PARP14: variants seen among roughly 807,000 people sequenced by gnomAD.
The protein encoded by PARP14 is poly(ADP-ribose) polymerase family member 14.
In PARP14, 59 loss-of-function variants were observed where a neutral mutation model predicts 154.2. The observed-to-expected ratio is 0.38, with a 90% CI of 0.31 to 0.48. PARP14 has a LOEUF of 0.48. PARP14 is among the 20% of genes least tolerant of loss of function. The pLI is 0.98. For synonymous variants in PARP14, 720 were observed against 780.5 expected, an observed-to-expected ratio of 0.92 and a Z score of 1.29; for missense variants, 1,734 against 2,131.6, an observed-to-expected ratio of 0.81 and a Z score of 3.67.
At chr3:122,684,335 T>C (rs956122325) in intron 1 of PARP14, among the ~76,000 whole-genome samples, 13 of 152,226 alleles carry the variant, frequency 8.5e-5, no homozygotes, top group African/African-American at 3.1e-4. Context: ...CTTCCCGTTC[T>C]TCATGGACTG....
intron 9 of PARP14, among the ~76,000 whole-genome samples, chr3:122,709,457 A>G (rs1192351230): frequency 6.6e-6 from 1 of 152,148 alleles, no homozygotes; most frequent in Non-Finnish European, 1.5e-5. Context: ...TTGTTGGTTG[A>G]TGGACACTTA....
chr3:122,704,393 C>A (rs1265069818), intron 7 of PARP14, 134 bp from the exon 8 acceptor site: 4 of 610,722 alleles, frequency 6.5e-6, no homozygotes, highest in Non-Finnish European at 1.2e-5. Flanking sequence ...TTTCTTTCCT[C>A]TTCTGATTGC....
At chr3:122,725,139 C>T (rs1212416276) in intron 15 of PARP14, among the ~76,000 whole-genome samples, 10 of 152,204 alleles carry the variant, frequency 6.6e-5, no homozygotes, top group Non-Finnish European at 1.5e-5. Context: ...CATCATGGCC[C>T]GTTCTCAATG....
intron 15 of PARP14, chr3:122,721,195 G>A: frequency 7.5e-6 from 2 of 266,200 alleles, no homozygotes; most frequent in Non-Finnish European, 1.5e-5. Context: ...TACCCTTCTT[G>A]GATTCAACTA....
chr3:122,696,217 G>A (rs890311805), intron 5 of PARP14, among the ~76,000 whole-genome samples: 14 of 152,198 alleles, frequency 9.2e-5, no homozygotes, highest in Non-Finnish European at 1.8e-4. Context: ...GATATAGACT[G>A]CCAGTTCTCT....
intron 6 of PARP14, among the ~76,000 whole-genome samples, chr3:122,702,124 C>T (rs1938998228): frequency 6.6e-6 from 1 of 152,148 alleles, no homozygotes; most frequent in Non-Finnish European, 1.5e-5. Flanking sequence ...AAAAGTGGAC[C>T]TGAGGAAGTT....
chr3:122,710,460 C>G (rs1939288770), intron 9 of PARP14, among the ~76,000 whole-genome samples: 2 of 152,094 alleles, frequency 1.3e-5, no homozygotes, highest in African/African-American at 2.4e-5. Flanking sequence ...GTAACTATAG[C>G]CTTGTAGTAT....
intron 15 of PARP14, among the ~76,000 whole-genome samples, chr3:122,723,554 A>G (rs1441200702): frequency 6.6e-6 from 1 of 152,016 alleles, no homozygotes. Context: ...TATCCTCTTT[A>G]TTTCTGGTAA....
At chr3:122,708,364 A>T (rs1939226003) in intron 9 of PARP14, 96 bp downstream of exon 9, 1 of 669,792 alleles carries the variant, frequency 1.5e-6, no homozygotes, top group Non-Finnish European at 2.6e-6. Flanking sequence ...TTATGAAAAA[A>T]AAATCAATGA....
intron 3 of PARP14, among the ~76,000 whole-genome samples, chr3:122,687,317 G>C (rs543038028): frequency 1.3e-5 from 2 of 152,326 alleles, no homozygotes; most frequent in African/African-American, 4.8e-5. Context: ...ATAATGATTG[G>C]AACTGCTCTC....
chr3:122,715,767 G>A (rs375757065), intron 12 of PARP14, among the ~76,000 whole-genome samples: 137 of 151,990 alleles, frequency 9.0e-4, no homozygotes, highest in African/African-American at 3.1e-3. Context: ...TCTAGTCTTG[G>A]GTTTCCACCT....
At position 122,718,156 on chromosome 3, in the gene PARP14, T is replaced by C. The variant is rs1933045549; in HGVS notation, c.4086T>C (p.Ser1362=). The change falls in exon 13 of 17, where the codon TCT becomes TCC. Residue 1362 remains serine, a synonymous_variant. Transcript: ENST00000474629. The stretch of plus-strand genomic sequence containing the variant: ...TTGTCCAGAAAGGATCAGCCCAGTC[T>C]GTGAAAAAAGTTAAAGTTGTTATCT... The part of the protein sequence containing the change: ...EDFVQKGSAQ[S]VKKVKVVIFL... 1.2e-6 allele frequency: 2 copies of C among 1,613,708 alleles called. No homozygotes were observed. Among genetic ancestry groups the C allele is most frequent in the East Asian group, 4.5e-5 (2 of 44,888 alleles).
chr3:122,699,707 G>A lies in PARP14; in HGVS notation c.1153G>A (p.Ala385Thr). The change falls in exon 6 of 17, where the codon GCA (alanine) becomes ACA (threonine). Residue 385 changes from alanine (A) to threonine (T), a missense_variant. Coordinates refer to ENST00000474629, the MANE Select transcript of PARP14 (RefSeq NM_017554.3). ...AAGACCGAGAATCAAGACCTGGCAG[G>A]CAGATACTTCCACAACACTCTCTAG... ...EGRPRIKTWQADTSTTLSSIR... is the reference protein window; with the variant it reads ...EGRPRIKTWQTDTSTTLSSIR... The A allele has an allele frequency of 1.2e-6, 2 of 1,613,952 alleles. No individual in the cohort carries two copies. The highest frequency in any genetic ancestry group is 1.7e-6 in the Non-Finnish European group (2 of 1,179,860).
At chr3:122,708,489 G>C (rs1442168823) in intron 9 of PARP14, among the ~76,000 whole-genome samples, 1 of 152,124 alleles carries the variant, frequency 6.6e-6, no homozygotes, top group Non-Finnish European at 1.5e-5. Flanking sequence ...CTGTATAATG[G>C]GTTTTAAGTA....
intron 5 of PARP14, among the ~76,000 whole-genome samples, chr3:122,696,178 C>G (rs1457341542): frequency 6.6e-6 from 1 of 152,168 alleles, no homozygotes; most frequent in Non-Finnish European, 1.5e-5. Flanking sequence ...TCTAGCTGAA[C>G]CTTAGAGAAA....
intron 15 of PARP14, 50 bp downstream of exon 15, chr3:122,720,438 T>C (rs1445456309): frequency 1.3e-6 from 2 of 1,560,252 alleles, no homozygotes; most frequent in South Asian, 1.1e-5. Flanking sequence ...ATAAGTTCTG[T>C]CATGGTCCTA....
chr3:122,703,979 G>T lies in PARP14; in HGVS notation c.3318+1G>T, dbSNP rs767134505. The T allele has an allele frequency of 3.1e-6, 5 of 1,607,002 alleles. No homozygotes were observed. The highest frequency in any genetic ancestry group is 3.3e-5 in the Admixed American group (2 of 59,988). On this transcript the variant is annotated splice_donor_variant, in intron 7 of 16. Coordinates refer to ENST00000474629, the MANE Select transcript of PARP14 (RefSeq NM_017554.3). LOFTEE classifies it high-confidence loss of function. ...AAATGGTAGCACATCTTCACTCAAG[G>T]TTGGGCCTGGTTTTGAATTCTCCAT...
chr3:122,712,248 T>C (rs927447483), intron 9 of PARP14, among the ~76,000 whole-genome samples: 3 of 151,660 alleles, frequency 2.0e-5, no homozygotes, highest in African/African-American at 7.3e-5. Flanking sequence ...ATCTTTTTTT[T>C]TTTTTTTCTT....
chr3:122,722,977 C>A (rs1933196622), intron 15 of PARP14, among the ~76,000 whole-genome samples: 1 of 151,798 alleles, frequency 6.6e-6, no homozygotes, highest in Non-Finnish European at 1.5e-5. Context: ...GCTCTTTCAC[C>A]CAGGCTGGAG....
Sources: allele counts gnomAD v4.1 joint callset (sites outside exome capture counted in the v4.1 genomes callset), GRCh38; gene constraint gnomAD v4.1.1; transcripts MANE v1.5; gene names NCBI Gene and HGNC (gene_info 2026-07-23, HGNC 2026-07-21).